ST6GAL2: variants seen among roughly 807,000 people sequenced by gnomAD.
ST6GAL2 encodes ST6 beta-galactoside alpha-2,6-sialyltransferase 2, also known as beta-galactoside alpha-2,6-sialyltransferase 2.
Under a neutral mutation model 37.5 loss-of-function variants are expected in ST6GAL2, and 24 were observed. The observed-to-expected ratio is 0.64, with a 90% CI of 0.46 to 0.90. The LOEUF (loss-of-function observed/expected upper bound fraction) is 0.90. ST6GAL2 is among the 40% of genes least tolerant of loss of function. The pLI, the probability that ST6GAL2 is intolerant of heterozygous loss-of-function variation, is 0.00. For missense variants in ST6GAL2, 715 were observed against 712.7 expected (o/e 1.00, Z -0.04); for synonymous variants, 306 against 295.1 (o/e 1.04, Z -0.38).
intron 1 of ST6GAL2, among the ~76,000 whole-genome samples, chr2:106,870,344 G>A (rs770783313): frequency 5.3e-5 from 8 of 152,080 alleles, no homozygotes; most frequent in Non-Finnish European, 5.9e-5. Context: ...GGTGAAAAAC[G>A]TGAAAACTTC....
intron 5 of ST6GAL2, among the ~76,000 whole-genome samples, chr2:106,817,141 G>A (rs779300589): frequency 3.3e-5 from 5 of 152,190 alleles, no homozygotes; most frequent in Non-Finnish European, 7.3e-5. Context: ...GGCAGTCTAG[G>A]CCACAAGGAC....
chr2:106,850,355 T>A (rs1231293140), intron 1 of ST6GAL2, among the ~76,000 whole-genome samples: 1 of 152,190 alleles, frequency 6.6e-6, no homozygotes, highest in African/African-American at 2.4e-5. Flanking sequence ...TGAGGCTCTC[T>A]GAGCATCTTT....
At chr2:106,839,344 C>A (rs559871750) in intron 2 of ST6GAL2, among the ~76,000 whole-genome samples, 1 of 152,084 alleles carries the variant, frequency 6.6e-6, no homozygotes. Flanking sequence ...TCTCTACCAG[C>A]CCTCAGGGGA....
chr2:106,872,640 G>A (rs1297213280), intron 1 of ST6GAL2, among the ~76,000 whole-genome samples: 1 of 150,878 alleles, frequency 6.6e-6, no homozygotes, highest in Non-Finnish European at 1.5e-5. Flanking sequence ...ATGGAGTTTC[G>A]CTCTCGTCAC....
chr2:106,840,779 G>GA (rs1676848292), intron 2 of ST6GAL2, among the ~76,000 whole-genome samples: 1 of 152,128 alleles, frequency 6.6e-6, no homozygotes. Flanking sequence ...TATTTATGCA[G>GA]AAAAAAAGAA....
At position 106,815,924 on chromosome 2, in the gene ST6GAL2, CATTT is replaced by C. The variant is rs567584161; in HGVS notation, c.1319-8979_1319-8976del. ...CATCAATCACAGCCTCCCATTCATT[CATTT>C]GTTTTTTCAATCAGGGAACACCATG... On this transcript the variant is annotated intron_variant, in intron 5 of 5. Transcript: ENST00000409382. 1.8e-3 allele frequency among the ~76,000 whole-genome samples: 279 copies of C among 152,196 alleles called. 1 individual carries two copies. Among genetic ancestry groups the C allele is most frequent in the South Asian group, 5.4e-3 (26 of 4,816 alleles).
At chr2:106,884,935 A>ATATG (rs1491318611) in intron 1 of ST6GAL2, among the ~76,000 whole-genome samples, 4 of 85,850 alleles carry the variant, frequency 4.7e-5, no homozygotes, top group Admixed American at 4.1e-4. Flanking sequence ...ATATATATAT[A>ATATG]CATACACACA....
chr2:106,860,423 G>A (rs12466372), intron 1 of ST6GAL2, among the ~76,000 whole-genome samples: 15,358 of 152,126 alleles, frequency 0.1, 974 homozygotes, highest in Admixed American at 0.12. Flanking sequence ...CAATGGGGGA[G>A]CCTGGGAAGG....
At chr2:106,872,670 CATGA>C (rs1329107401) in intron 1 of ST6GAL2, among the ~76,000 whole-genome samples, 1 of 98,162 alleles carries the variant, frequency 1.0e-5, no homozygotes, top group Admixed American at 1.2e-4. Flanking sequence ...AGTGCAGTGG[CATGA>C]TCTCGGCTCA....
chr2:106,839,765 T>C (rs1676800102), intron 2 of ST6GAL2, among the ~76,000 whole-genome samples: 1 of 152,200 alleles, frequency 6.6e-6, no homozygotes, highest in South Asian at 2.1e-4. Context: ...CTTTCTGCTC[T>C]GTAACATGTT....
intron 2 of ST6GAL2, among the ~76,000 whole-genome samples, chr2:106,836,731 C>A (rs1214863483): frequency 2.8e-5 from 4 of 140,944 alleles, no homozygotes; most frequent in Non-Finnish European, 6.0e-5. Context: ...AGTTCGAGAC[C>A]AGCCTGACCA....
intron 3 of ST6GAL2, among the ~76,000 whole-genome samples, chr2:106,833,365 T>G (rs1202920992): frequency 6.6e-6 from 1 of 152,200 alleles, no homozygotes; most frequent in African/African-American, 2.4e-5. Context: ...ATCTCTGAAT[T>G]AAGGAAATAT....
Position 106,806,582 on chromosome 2 carries a change from A to G in ST6GAL2, c.*96T>C. 1 of 1,419,678 alleles carries G rather than the reference A, an allele frequency of 7.0e-7. No individual in the cohort carries two copies. Among genetic ancestry groups the G allele is most frequent in the Non-Finnish European group, 9.6e-7 (1 of 1,037,608 alleles). 87.9% of individuals were successfully genotyped at this position (1,419,678 alleles called of 1,614,324 possible). On this transcript the variant is annotated 3_prime_UTR_variant, in exon 6 of 6. Transcript: ENST00000409382. ...CACTAAATTACTGTTTAAAGACTCA[A>G]AACTACACTGTCTAAAATCTATCTT...
At chr2:106,845,037 C>T (rs980823178) in intron 1 of ST6GAL2, among the ~76,000 whole-genome samples, 1 of 152,172 alleles carries the variant, frequency 6.6e-6, no homozygotes, top group Non-Finnish European at 1.5e-5. Context: ...GGAATAATAA[C>T]TAAGCTTGCT....
chr2:106,821,772 C>T (rs1676012976), intron 5 of ST6GAL2, among the ~76,000 whole-genome samples: 1 of 152,014 alleles, frequency 6.6e-6, no homozygotes, highest in Non-Finnish European at 1.5e-5. Flanking sequence ...CAATAAAATA[C>T]TAGTAAATTG....
At chr2:106,879,613 C>A (rs1320821594) in intron 1 of ST6GAL2, among the ~76,000 whole-genome samples, 4 of 147,896 alleles carry the variant, frequency 2.7e-5, no homozygotes, top group African/African-American at 5.0e-5. Flanking sequence ...AAATTATAGA[C>A]CAATTATATA....
chr2:106,843,603 G>A lies in ST6GAL2; in HGVS notation c.375C>T (p.Tyr125=). ...QVGRKSQSAF[Y]PEDDDYFFAA... ...CAAAAAAGTAGTCGTCATCCTCCGG[G>A]TAGAAAGCACTTTGAGATTTTCTCC... The change falls in exon 2 of 6, where the codon TAC becomes TAT. Residue 125 remains tyrosine (Y), a synonymous_variant. Transcript: ENST00000409382. The A allele has an allele frequency of 6.2e-7, 1 of 1,614,000 alleles. No homozygotes were observed. The highest frequency in any genetic ancestry group is 8.5e-7 in the Non-Finnish European group (1 of 1,180,022).
intron 2 of ST6GAL2, among the ~76,000 whole-genome samples, chr2:106,836,944 C>CAAA (rs10700905): frequency 2.3e-5 from 2 of 85,698 alleles, no homozygotes; most frequent in Non-Finnish European, 2.0e-5. Flanking sequence ...AATTCCATCT[C>CAAA]AAAAAAAAAA....
chr2:106,808,988 C>T (rs13397879), intron 5 of ST6GAL2, among the ~76,000 whole-genome samples: 32,431 of 152,108 alleles, frequency 0.21, 4,002 homozygotes, highest in East Asian at 0.49. Flanking sequence ...GCCTGGGCAA[C>T]AGAGCAAGAC....
Sources: allele counts gnomAD v4.1 joint callset (sites outside exome capture counted in the v4.1 genomes callset), GRCh38; gene constraint gnomAD v4.1.1; transcripts MANE v1.5; gene names NCBI Gene and HGNC (gene_info 2026-07-23, HGNC 2026-07-21).